The following FER variants were observed in gnomAD, a reference collection of about 807,000 sequenced individuals.
FER encodes the protein tyrosine-protein kinase Fer.
FER carries 63 observed loss-of-function variants against 111.0 expected under a neutral mutation model. That is an observed-to-expected ratio of 0.57 (90% CI 0.46 to 0.70). The LOEUF (loss-of-function observed/expected upper bound fraction) is 0.70, where lower values mean the gene tolerates loss of function less well. Among genes scored for constraint, FER ranks in the 30% least tolerant of loss-of-function variants. FER has a pLI of 0.00. For missense variants in FER, 914 were observed against 954.0 expected (o/e 0.96, Z 0.55); for synonymous variants, 327 against 313.9 (o/e 1.04, Z -0.44).
At chr5:109,075,131 C>T (rs1776172112) in intron 16 of FER, among the ~76,000 whole-genome samples, 1 of 151,962 alleles carries the variant, frequency 6.6e-6, no homozygotes, top group South Asian at 2.1e-4. Flanking sequence ...TCCTTCAACC[C>T]TTCTCTCATC....
chr5:108,864,187 T>G (rs1015082173), intron 5 of FER, among the ~76,000 whole-genome samples: 2 of 152,186 alleles, frequency 1.3e-5, no homozygotes, highest in Admixed American at 1.3e-4. Context: ...AAAAAAATTA[T>G]GTGTTGCTCC....
At chr5:109,020,951 GA>G (rs1767843057) in intron 13 of FER, among the ~76,000 whole-genome samples, 1 of 152,016 alleles carries the variant, frequency 6.6e-6, no homozygotes, top group Non-Finnish European at 1.5e-5. Context: ...AGAACATAAA[GA>G]TAGCATGTTG....
intron 5 of FER, among the ~76,000 whole-genome samples, chr5:108,865,717 A>T (rs961895888): frequency 6.6e-6 from 1 of 152,210 alleles, no homozygotes; most frequent in Non-Finnish European, 1.5e-5. Flanking sequence ...AGAATCTACA[A>T]TGAACTCAAA....
Position 109,193,402 on chromosome 5 carries a change from T to C in FER, c.*5827T>C, listed in dbSNP as rs1311854925. ...TTTGTGACACGAAGACAGATTTAGC[T>C]TCCCACTTGTCAGCAAATTTGTAAA... On this transcript the variant is annotated 3_prime_UTR_variant, in exon 20 of 20. Coordinates refer to ENST00000281092, the MANE Select transcript of FER (RefSeq NM_005246.4). 6.6e-6 allele frequency: 1 copy of C among 152,172 alleles called. No individual in the cohort carries two copies. The highest frequency in any genetic ancestry group is 1.5e-5 in the Non-Finnish European group (1 of 68,030). The allele number at this position is 152,172 out of a possible 1,614,324, so 9.4% of individuals were successfully genotyped here.
intron 17 of FER, among the ~76,000 whole-genome samples, chr5:109,130,055 C>A (rs147554730): frequency 7.7e-6 from 1 of 130,262 alleles, no homozygotes; most frequent in Non-Finnish European, 1.7e-5. Context: ...AATACTTGTG[C>A]GTAGGTTTTT....
At chr5:108,835,593 C>A in intron 4 of FER, 115 bp from the exon 5 acceptor site, 1 of 560,694 alleles carries the variant, frequency 1.8e-6, no homozygotes, top group Non-Finnish European at 3.1e-6. Context: ...TATTAAAGGA[C>A]AACTCTGACC....
intron 13 of FER, among the ~76,000 whole-genome samples, chr5:109,018,086 AGTC>A (rs1767434789): frequency 6.6e-6 from 1 of 151,918 alleles, no homozygotes; most frequent in African/African-American, 2.4e-5. Flanking sequence ...TAGAATGCCT[AGTC>A]AAATGACTTA....
rs1383198689 is a variant in FER at position 108,959,309 on chromosome 5, A to G, written c.1618A>G (p.Lys540Glu). Residue 540 changes from lysine to glutamate, a missense_variant, in exon 13 of 20, where the codon AAG (lysine) becomes GAG (glutamate). Around this residue, in one of 3 missense-constraint regions of FER, gnomAD observed 774 missense variants for 782.6 expected, o/e 0.99. Coordinates refer to ENST00000281092, the MANE Select transcript of FER (RefSeq NM_005246.4). ...CTATACAACAAAACAGGTCATCACT[A>G]AGAAATCAGGTGTAGTTCTGCTGAA... ...HHYTTKQVIT[K>E]KSGVVLLNPI... 6.2e-7 allele frequency: 1 copy of G among 1,612,038 alleles called. No homozygotes were observed. Among genetic ancestry groups the G allele is most frequent in the African/African-American group, 1.3e-5 (1 of 74,952 alleles).
chr5:109,001,834 C>A (rs1764817964), intron 13 of FER, among the ~76,000 whole-genome samples: 1 of 151,444 alleles, frequency 6.6e-6, no homozygotes, highest in Non-Finnish European at 1.5e-5. Context: ...TTCTTATACA[C>A]CAATAACAGA....
In FER at chr5:108,929,209, T is replaced by C. The variant is rs987230361; in HGVS notation, c.1237-16921T>C. Among the ~76,000 whole-genome samples the C allele has an allele frequency of 3.3e-5, 5 of 152,082 alleles. 1 individual carries two copies. The highest frequency in any genetic ancestry group is 3.3e-4 in the Admixed American group (5 of 15,264). On this transcript the variant is annotated intron_variant, in intron 10 of 19. Transcript: ENST00000281092. ...TGCAGTAATTAGTAAAAACAGACTG[T>C]TTGTTTTGTTTGTGATAGTAAAAAA... is the stretch of plus-strand genomic sequence containing the variant.
intron 10 of FER, among the ~76,000 whole-genome samples, chr5:108,930,105 G>A (rs1377951359): frequency 1.3e-5 from 2 of 151,952 alleles, no homozygotes; most frequent in Non-Finnish European, 2.9e-5. Context: ...TGATTCTTAA[G>A]CAGTGAAGCA....
At chr5:108,836,185 G>T (rs1436095222) in intron 5 of FER, among the ~76,000 whole-genome samples, 1 of 151,890 alleles carries the variant, frequency 6.6e-6, no homozygotes, top group Non-Finnish European at 1.5e-5. Context: ...TATTATTTAA[G>T]TCATTAAAAC....
chr5:108,908,929 A>G (rs1751166854), intron 10 of FER, among the ~76,000 whole-genome samples: 1 of 151,816 alleles, frequency 6.6e-6, no homozygotes, highest in South Asian at 2.1e-4. Context: ...TCCTCAGGAG[A>G]CTAAGGTGGG....
intron 9 of FER, among the ~76,000 whole-genome samples, chr5:108,892,494 AC>A (rs993433847): frequency 4.6e-5 from 7 of 151,294 alleles, no homozygotes; most frequent in Admixed American, 3.3e-4. Flanking sequence ...CATATCCTTC[AC>A]CCCCTTTTTG....
At chr5:108,814,046 A>G (rs1423677251) in intron 3 of FER, among the ~76,000 whole-genome samples, 1 of 152,048 alleles carries the variant, frequency 6.6e-6, no homozygotes, top group Non-Finnish European at 1.5e-5. Flanking sequence ...TTGACTTAAT[A>G]TATTTATTCT....
At chr5:109,123,205 T>C (rs575611285) in intron 17 of FER, among the ~76,000 whole-genome samples, 4 of 146,498 alleles carry the variant, frequency 2.7e-5, no homozygotes, top group African/African-American at 1.0e-4. Flanking sequence ...GCCCAGGCTG[T>C]AGTGCAGTGG....
chr5:108,892,121 A>G (rs561179537), intron 9 of FER, among the ~76,000 whole-genome samples: 28 of 152,286 alleles, frequency 1.8e-4, no homozygotes, highest in Non-Finnish European at 4.0e-4. Flanking sequence ...TGCCACAATA[A>G]ACATACGTGT....
chr5:108,775,511 T>C (rs1212934571), intron 2 of FER, among the ~76,000 whole-genome samples: 1 of 152,206 alleles, frequency 6.6e-6, no homozygotes, highest in Non-Finnish European at 1.5e-5. Context: ...ATATCAGTAC[T>C]TCAAATGTAG....
At chr5:108,762,627 CA>C (rs1334085728) in intron 1 of FER, among the ~76,000 whole-genome samples, 6 of 152,190 alleles carry the variant, frequency 3.9e-5, no homozygotes, top group African/African-American at 1.4e-4. Context: ...TTCCTTCATG[CA>C]GGATCTTTCT....
Sources: gnomAD v4.1 joint callset for allele counts (sites outside exome capture counted in the v4.1 genomes callset) on GRCh38, gnomAD v4.1.1 for gene constraint, gnomAD v4.1.1 regional missense constraint, MANE v1.5 for transcripts, NCBI Gene and HGNC (gene_info 2026-07-23, HGNC 2026-07-21) for gene names.